The following BHLHA15 variants were observed in gnomAD, a reference collection of about 807,000 sequenced individuals.
BHLHA15 encodes class A basic helix-loop-helix protein 15.
BHLHA15 carries 7 observed loss-of-function variants against 10.4 expected under a neutral mutation model. That is an observed-to-expected ratio of 0.67 (90% CI 0.38 to 1.26). BHLHA15 has a LOEUF of 1.26. BHLHA15 is among the 50% of genes most tolerant of loss of function. BHLHA15 has a pLI of 0.02. For synonymous variants in BHLHA15, 140 were observed against 131.5 expected, an observed-to-expected ratio of 1.06 and a Z score of -0.44; for missense variants, 289 against 287.4, an observed-to-expected ratio of 1.01 and a Z score of -0.04.
In BHLHA15 at chr7:98,213,591, G is replaced by A. The variant is rs1261326655; in HGVS notation, c.*712G>A. On this transcript the variant is annotated 3_prime_UTR_variant, in exon 2 of 2. Transcript: ENST00000609256. ...GTGGAGGGTCTGGGGCAGGGTGTGA[G>A]GGGTGCTGTGGAACTGGAGCAGGAG... Among the ~76,000 whole-genome samples the A allele has an allele frequency of 1.3e-5, 2 of 152,214 alleles. No homozygotes were observed. The highest frequency in any genetic ancestry group is 2.9e-5 in the Non-Finnish European group (2 of 68,042).
At position 98,212,780 on chromosome 7, in the gene BHLHA15, G is replaced by A; in HGVS notation, c.471G>A (p.Gln157=). ...PKLYQHYQQQ[Q]QVAGGALGAT... ...TCTACCAGCACTACCAGCAGCAGCA[G>A]CAGGTGGCTGGGGGTGCGTTGGGGG... Residue 157 remains glutamine, a synonymous_variant, in exon 2 of 2, where the codon CAG becomes CAA. Coordinates refer to ENST00000609256, the MANE Select transcript of BHLHA15 (RefSeq NM_177455.4). 1 of 1,549,528 alleles carries A rather than the reference G, an allele frequency of 6.5e-7. No individual in the cohort carries two copies. The highest frequency in any genetic ancestry group is 8.7e-7 in the Non-Finnish European group (1 of 1,148,096).
chr7:98,212,398 T>C lies in BHLHA15; in HGVS notation c.89T>C (p.Leu30Pro). The C allele has an allele frequency of 6.8e-7, 1 of 1,480,638 alleles. No homozygotes were observed. Among genetic ancestry groups the C allele is most frequent in the Non-Finnish European group, 9.0e-7 (1 of 1,117,086 alleles). The allele number at this position is 1,480,638 out of a possible 1,614,324, so 91.7% of individuals were successfully genotyped here. ...GGGGAGGGGACGCCCGACGGGTCCC[T>C]GCCGAACCCGGGGCCAGAGCCGGCC... ...TPGEGTPDGS[L>P]PNPGPEPAKG... The change falls in exon 2 of 2, where the codon CTG becomes CCG. Residue 30 changes from leucine to proline, a missense_variant. Physicochemically the swap from Leu to Pro is moderately conservative, Grantham distance 98. Transcript: ENST00000609256.
In BHLHA15 at chr7:98,212,656, C is replaced by G. The variant is rs980797639; in HGVS notation, c.347C>G (p.Thr116Arg). The G allele has an allele frequency of 3.1e-6, 5 of 1,595,302 alleles. No homozygotes were observed. The highest frequency in any genetic ancestry group is 1.3e-5 in the African/African-American group (1 of 74,812). Residue 116 changes from threonine (T) to arginine (R), a missense_variant, in exon 2 of 2, where the codon ACG becomes AGG. Thr to Arg is a moderately conservative substitution (Grantham distance 71). Transcript: ENST00000609256. ...RADKKLSKIE[T>R]LTLAKNYIKS... is the part of the protein sequence containing the mutation. Reference sequence around the variant, plus strand: ...GACAAGAAGCTCTCCAAGATCGAGACGCTCACGCTGGCCAAGAACTACATC... The same window carrying G: ...GACAAGAAGCTCTCCAAGATCGAGAGGCTCACGCTGGCCAAGAACTACATC...
chr7:98,211,600 C>T (rs1797906820), intron 1 of BHLHA15, 102 bp downstream of exon 1: 1 of 150,192 alleles, frequency 6.7e-6, no homozygotes, highest in African/African-American at 2.5e-5. Flanking sequence ...TGGGGAAACC[C>T]GGGTGGGGGA....
In BHLHA15 at chr7:98,212,717, C is replaced by T; in HGVS notation, c.408C>T (p.Ser136=). ...SLTATILTMS[S]SRLPGLEGPG... ...CGGCCACCATCCTGACCATGTCCAGCAGCCGCCTCCCAGGCCTGGAGGGGC... is the reference window on the plus strand; with the variant it reads ...CGGCCACCATCCTGACCATGTCCAGTAGCCGCCTCCCAGGCCTGGAGGGGC... The change falls in exon 2 of 2, where the codon AGC becomes AGT. Residue 136 remains serine (S), a synonymous_variant. Coordinates refer to ENST00000609256, the MANE Select transcript of BHLHA15 (RefSeq NM_177455.4). The T allele has an allele frequency of 6.4e-7, 1 of 1,561,796 alleles. No individual in the cohort carries two copies.
At position 98,213,985 on chromosome 7, in the gene BHLHA15, C is replaced by G. The variant is rs1229188138; in HGVS notation, c.*1106C>G. On this transcript the variant is annotated 3_prime_UTR_variant, in exon 2 of 2. Coordinates refer to ENST00000609256, the MANE Select transcript of BHLHA15 (RefSeq NM_177455.4). ...TTGGCACGTCTCTGCTGCCCCAAGC[C>G]CAGCTTCCTTCTGCTGGGCGTTCCT... Among the ~76,000 whole-genome samples the G allele has an allele frequency of 6.6e-6, 1 of 152,194 alleles. No individual in the cohort carries two copies. The highest frequency in any genetic ancestry group is 1.5e-5 in the Non-Finnish European group (1 of 68,028).
In BHLHA15 at chr7:98,212,378, G is replaced by A. The variant is rs747811358; in HGVS notation, c.69G>A (p.Glu23=). ...AGGACACAGAGGCCACCCCCGGGGA[G>A]GGGACGCCCGACGGGTCCCTGCCGA... The part of the protein sequence containing the change: ...PVQDTEATPG[E]GTPDGSLPNP... The change falls in exon 2 of 2, where the codon GAG becomes GAA. Residue 23 remains glutamate, a synonymous_variant. Coordinates refer to ENST00000609256, the MANE Select transcript of BHLHA15 (RefSeq NM_177455.4). 5.5e-6 allele frequency: 8 copies of A among 1,442,084 alleles called. No individual in the cohort carries two copies. In the Admixed American group the frequency reaches 2.2e-4, roughly 39 times the overall value. 89.3% of individuals were successfully genotyped at this position (1,442,084 alleles called of 1,614,324 possible).
Position 98,213,018 on chromosome 7 carries a change from G to GA in BHLHA15, c.*141dup. On this transcript the variant is annotated 3_prime_UTR_variant, in exon 2 of 2. Coordinates refer to ENST00000609256, the MANE Select transcript of BHLHA15 (RefSeq NM_177455.4). ...GGCCTCAGCGGTTCCATTTTCCCCC[G>GA]AACATTCAGCCACTTCCCTGGAGCA... The GA allele has an allele frequency of 1.2e-6, 1 of 830,016 alleles. No individual in the cohort carries two copies. The highest frequency in any genetic ancestry group is 1.8e-6 in the Non-Finnish European group (1 of 564,798). The allele number at this position is 830,016 out of a possible 1,614,324, so 51.4% of individuals were successfully genotyped here. A position where few individuals can be genotyped will look rare whatever the true frequency, so the allele number is the denominator to read the frequency against.
Position 98,214,612 on chromosome 7 carries a change from T to C in BHLHA15, c.*1733T>C, listed in dbSNP as rs1797958870. The C allele has an allele frequency of 6.6e-6, 1 of 152,210 alleles. No individual in the cohort carries two copies. The highest frequency in any genetic ancestry group is 2.1e-4 in the South Asian group (1 of 4,836). The allele number at this position is 152,210 out of a possible 1,614,324, so 9.4% of individuals were successfully genotyped here. The stretch of plus-strand genomic sequence containing the variant: ...TGCTACGAACATGGCAGCTCTTGTT[T>C]CCGGCTGAGCCATGGCCAGAGCAGG... On this transcript the variant is annotated 3_prime_UTR_variant, in exon 2 of 2. Transcript: ENST00000609256.
rs1258370761 is a variant in BHLHA15, at chr7:98,213,370, C to T, written c.*491C>T. The stretch of plus-strand genomic sequence containing the variant: ...ATCCTCATTTGGGGTAAACTGAGGC[C>T]CGGGACAAGCCCGGCAGAGCCTAAG... On this transcript the variant is annotated 3_prime_UTR_variant, in exon 2 of 2. Coordinates refer to ENST00000609256, the MANE Select transcript of BHLHA15 (RefSeq NM_177455.4). Among the ~76,000 whole-genome samples, 2 of 152,210 alleles carry T rather than the reference C, an allele frequency of 1.3e-5. No individual in the cohort carries two copies. The highest frequency in any genetic ancestry group is 6.5e-5 in the Admixed American group (1 of 15,292).
chr7:98,212,395 C>T lies in BHLHA15; in HGVS notation c.86C>T (p.Ser29Phe). Residue 29 changes from serine (S) to phenylalanine (F), a missense_variant, in exon 2 of 2, where the codon TCC (serine) becomes TTC (phenylalanine). Coordinates refer to ENST00000609256, the MANE Select transcript of BHLHA15 (RefSeq NM_177455.4). The part of the protein sequence containing the change: ...ATPGEGTPDG[S>F]LPNPGPEPAK... ...CCCGGGGAGGGGACGCCCGACGGGT[C>T]CCTGCCGAACCCGGGGCCAGAGCCG... The T allele has an allele frequency of 6.8e-7, 1 of 1,474,782 alleles. No homozygotes were observed. 91.4% of individuals were successfully genotyped at this position (1,474,782 alleles called of 1,614,324 possible).
Position 98,212,447 on chromosome 7 carries a change from C to G in BHLHA15, c.138C>G (p.Ala46=). 6.5e-7 allele frequency: 1 copy of G among 1,532,236 alleles called. No homozygotes were observed. 94.9% of individuals were successfully genotyped at this position (1,532,236 alleles called of 1,614,324 possible). Residue 46 remains alanine (A), a synonymous_variant, in exon 2 of 2, where the codon GCC becomes GCG. Transcript: ENST00000609256. ...CCAAGGGTCTGCGGAGCCGGCCGGC[C>G]CGGGCCGCAGCAAGGGCTCCGGGCG... ...EPAKGLRSRP[A]RAAARAPGEG... is the part of the protein sequence containing the mutation.
rs545474708 is a variant in BHLHA15 at position 98,214,068 on chromosome 7, C to T, written c.*1189C>T. The stretch of plus-strand genomic sequence containing the variant: ...ACTCTCCCCTCCCTCATGCCTCTGC[C>T]CAGAGATGTCCCAAAGGCCCTCAGG... On this transcript the variant is annotated 3_prime_UTR_variant, in exon 2 of 2. Transcript: ENST00000609256. Among the ~76,000 whole-genome samples, 15 of 152,320 alleles carry T rather than the reference C, an allele frequency of 9.8e-5. No individual in the cohort carries two copies. The highest frequency in any genetic ancestry group is 7.2e-4 in the Admixed American group (11 of 15,312).
intron 1 of BHLHA15, 64 bp downstream of exon 1, chr7:98,211,562 G>C (rs1049882886): frequency 1.3e-5 from 2 of 151,142 alleles, no homozygotes; most frequent in African/African-American, 4.8e-5. Flanking sequence ...AGGACCTGGC[G>C]GTGGGGTTGT....
At position 98,212,343 on chromosome 7, in the gene BHLHA15, G is replaced by A. The variant is rs1797917922; in HGVS notation, c.34G>A (p.Ala12Thr). The stretch of plus-strand genomic sequence containing the variant: ...CAAGAACCGGCCCCCACGGCGCCGG[G>A]CCCCGGTGCAGGACACAGAGGCCAC... The part of the protein sequence containing the change: ...KTKNRPPRRR[A>T]PVQDTEATPG... The change falls in exon 2 of 2, where the codon GCC becomes ACC. Residue 12 changes from alanine (A) to threonine (T), a missense_variant. By Grantham distance (58) the Ala-to-Thr change is moderately conservative. Coordinates refer to ENST00000609256, the MANE Select transcript of BHLHA15 (RefSeq NM_177455.4). 1 of 1,382,868 alleles carries A rather than the reference G, an allele frequency of 7.2e-7. No individual in the cohort carries two copies. The highest frequency in any genetic ancestry group is 9.4e-7 in the Non-Finnish European group (1 of 1,067,592). 85.7% of individuals were successfully genotyped at this position (1,382,868 alleles called of 1,614,324 possible). A position where few individuals can be genotyped will look rare whatever the true frequency, so the allele number is the denominator to read the frequency against.
rs1226969881 is a variant in BHLHA15 at position 98,212,349 on chromosome 7, G to A, written c.40G>A (p.Val14Met). 2 of 1,406,616 alleles carry A rather than the reference G, an allele frequency of 1.4e-6. No homozygotes were observed. The highest frequency in any genetic ancestry group is 1.6e-5 in the South Asian group (1 of 61,012). The allele number at this position is 1,406,616 out of a possible 1,614,324, so 87.1% of individuals were successfully genotyped here. A position where few individuals can be genotyped will look rare whatever the true frequency, so the allele number is the denominator to read the frequency against. The change falls in exon 2 of 2, where the codon GTG becomes ATG. Residue 14 changes from valine (V) to methionine (M), a missense_variant. Physicochemically the swap from Val to Met is conservative, Grantham distance 21. Coordinates refer to ENST00000609256, the MANE Select transcript of BHLHA15 (RefSeq NM_177455.4). ...KNRPPRRRAP[V>M]QDTEATPGEG... ...CCGGCCCCCACGGCGCCGGGCCCCG[G>A]TGCAGGACACAGAGGCCACCCCCGG...
Position 98,212,372 on chromosome 7 carries a change from C to G in BHLHA15, c.63C>G (p.Pro21=), listed in dbSNP as rs768109793. 2 of 1,434,344 alleles carry G rather than the reference C, an allele frequency of 1.4e-6. No individual in the cohort carries two copies. The highest frequency in any genetic ancestry group is 1.5e-5 in the African/African-American group (1 of 66,164). 88.9% of individuals were successfully genotyped at this position (1,434,344 alleles called of 1,614,324 possible). A position where few individuals can be genotyped will look rare whatever the true frequency, so the allele number is the denominator to read the frequency against. ...CGGTGCAGGACACAGAGGCCACCCC[C>G]GGGGAGGGGACGCCCGACGGGTCCC... The part of the protein sequence containing the change: ...RAPVQDTEAT[P]GEGTPDGSLP... Residue 21 remains proline (P), a synonymous_variant, in exon 2 of 2, where the codon CCC becomes CCG. Coordinates refer to ENST00000609256, the MANE Select transcript of BHLHA15 (RefSeq NM_177455.4).
In BHLHA15 at chr7:98,212,418, C is replaced by T. The variant is rs1446205033; in HGVS notation, c.109C>T (p.Pro37Ser). The stretch of plus-strand genomic sequence containing the variant: ...GTCCCTGCCGAACCCGGGGCCAGAG[C>T]CGGCCAAGGGTCTGCGGAGCCGGCC... ...DGSLPNPGPEPAKGLRSRPAR... is the reference protein window; with the variant it reads ...DGSLPNPGPESAKGLRSRPAR... The change falls in exon 2 of 2, where the codon CCG (proline) becomes TCG (serine). Residue 37 changes from proline to serine, a missense_variant. Transcript: ENST00000609256. The T allele has an allele frequency of 2.7e-6, 4 of 1,491,492 alleles. No individual in the cohort carries two copies. The highest frequency in any genetic ancestry group is 4.9e-5 in the Admixed American group (2 of 41,166). The allele number at this position is 1,491,492 out of a possible 1,614,324, so 92.4% of individuals were successfully genotyped here.
Position 98,212,338 on chromosome 7 carries a change from G to C in BHLHA15, c.29G>C (p.Arg10Pro). The change falls in exon 2 of 2, where the codon CGC becomes CCC. Residue 10 changes from arginine (R) to proline (P), a missense_variant. Transcript: ENST00000609256. The part of the protein sequence containing the change: MKTKNRPPR[R>P]RAPVQDTEAT... Reference sequence around the variant, plus strand: ...AAGACCAAGAACCGGCCCCCACGGCGCCGGGCCCCGGTGCAGGACACAGAG... The same window carrying C: ...AAGACCAAGAACCGGCCCCCACGGCCCCGGGCCCCGGTGCAGGACACAGAG... 1 of 1,379,610 alleles carries C rather than the reference G, an allele frequency of 7.2e-7. No homozygotes were observed. The highest frequency in any genetic ancestry group is 1.5e-5 in the African/African-American group (1 of 65,984). The allele number at this position is 1,379,610 out of a possible 1,614,324, so 85.5% of individuals were successfully genotyped here.
Sources: allele counts gnomAD v4.1 joint callset (sites outside exome capture counted in the v4.1 genomes callset), GRCh38; gene constraint gnomAD v4.1.1; transcripts MANE v1.5; gene names NCBI Gene and HGNC (gene_info 2026-07-23, HGNC 2026-07-21).